IPCEF1: variants seen among roughly 807,000 people sequenced by gnomAD.
IPCEF1 encodes interactor protein for cytohesin exchange factors 1.
IPCEF1 carries 31 observed loss-of-function variants against 50.9 expected under a neutral mutation model. The ratio of observed to expected loss-of-function variants is 0.61; its 90% CI spans 0.46 to 0.82. The LOEUF (loss-of-function observed/expected upper bound fraction) is 0.82. IPCEF1 is among the 40% of genes least tolerant of loss of function. IPCEF1 has a pLI of 0.00. For synonymous variants in IPCEF1, 181 were observed against 192.0 expected, an observed-to-expected ratio of 0.94 and a Z score of 0.47; for missense variants, 458 against 514.0, an observed-to-expected ratio of 0.89 and a Z score of 1.05.
intron 3 of IPCEF1, 66 bp downstream of exon 3, chr6:154,265,846 C>A (rs866271143): frequency 2.7e-6 from 3 of 1,127,118 alleles, no homozygotes; most frequent in Non-Finnish European, 2.6e-6. Flanking sequence ...TGAAATCAAC[C>A]TACTATTTTA....
At chr6:154,265,182 A>G (rs985514501) in intron 3 of IPCEF1, among the ~76,000 whole-genome samples, 7 of 152,188 alleles carry the variant, frequency 4.6e-5, no homozygotes, top group African/African-American at 1.7e-4. Context: ...TCCTTGTCTA[A>G]TAGAGATTAT....
intron 1 of IPCEF1, among the ~76,000 whole-genome samples, chr6:154,345,444 A>G (rs1202729652): frequency 6.6e-6 from 1 of 152,200 alleles, no homozygotes; most frequent in Non-Finnish European, 1.5e-5. Context: ...TGGCGATCAG[A>G]GCCCTACTAG....
chr6:154,352,638 T>C (rs771999485), intron 1 of IPCEF1, among the ~76,000 whole-genome samples: 1 of 152,250 alleles, frequency 6.6e-6, no homozygotes, highest in African/African-American at 2.4e-5. Flanking sequence ...AGATTGATTC[T>C]AAGACAAAGA....
At chr6:154,248,399 C>T (rs1781235075) in intron 3 of IPCEF1, among the ~76,000 whole-genome samples, 1 of 151,114 alleles carries the variant, frequency 6.6e-6, no homozygotes, top group African/African-American at 2.4e-5. Context: ...TTACAAATAT[C>T]TAAGCTGAAC....
chr6:154,227,356 T>C (rs1779339945), intron 5 of IPCEF1, among the ~76,000 whole-genome samples: 1 of 152,202 alleles, frequency 6.6e-6, no homozygotes. Context: ...TCAAATGATA[T>C]AATACACAAA....
chr6:154,239,751 T>C (rs1414215621), intron 5 of IPCEF1, among the ~76,000 whole-genome samples: 3 of 152,374 alleles, frequency 2.0e-5, no homozygotes, highest in Admixed American at 6.5e-5. Flanking sequence ...TCACCCAGGC[T>C]GGAGTGCAGT....
chr6:154,218,157 T>C (rs1439415170), intron 7 of IPCEF1, among the ~76,000 whole-genome samples: 2 of 152,224 alleles, frequency 1.3e-5, no homozygotes, highest in African/African-American at 4.8e-5. Context: ...CTAAAGGACT[T>C]ATATTTACAT....
chr6:154,354,626 C>T (rs1273318070), intron 1 of IPCEF1, among the ~76,000 whole-genome samples: 1 of 152,062 alleles, frequency 6.6e-6, no homozygotes, highest in Non-Finnish European at 1.5e-5. Context: ...ACGACCACCA[C>T]TTCCAACACC....
intron 2 of IPCEF1, among the ~76,000 whole-genome samples, chr6:154,276,062 T>C (rs2128660910): frequency 6.6e-6 from 1 of 152,108 alleles, no homozygotes; most frequent in East Asian, 1.9e-4. Flanking sequence ...CAGGTGCCTG[T>C]AATCCCAGCT....
intron 1 of IPCEF1, among the ~76,000 whole-genome samples, chr6:154,354,727 C>T (rs1200303818): frequency 6.6e-6 from 1 of 152,148 alleles, no homozygotes; most frequent in East Asian, 1.9e-4. Context: ...CCCCGTTCTA[C>T]ACACCCTTTC....
chr6:154,268,096 T>C (rs1781804148), intron 2 of IPCEF1, among the ~76,000 whole-genome samples: 1 of 152,194 alleles, frequency 6.6e-6, no homozygotes, highest in South Asian at 2.1e-4. Flanking sequence ...CCTGCCCCCT[T>C]CCGCCCTGGC....
At chr6:154,165,482 C>T (rs987165729) in intron 11 of IPCEF1, among the ~76,000 whole-genome samples, 4 of 152,222 alleles carry the variant, frequency 2.6e-5, no homozygotes, top group African/African-American at 9.6e-5. Context: ...ATTTCCACAT[C>T]AGCATGTCCT....
intron 1 of IPCEF1, among the ~76,000 whole-genome samples, chr6:154,354,396 A>ACC (rs1562300241): frequency 2.6e-4 from 5 of 19,436 alleles, no homozygotes; most frequent in African/African-American, 1.5e-3. Context: ...CGTCACCTCC[A>ACC]ACCACCATCT....
intron 10 of IPCEF1, among the ~76,000 whole-genome samples, chr6:154,182,598 T>C (rs1376849008): frequency 6.6e-6 from 1 of 152,208 alleles, no homozygotes; most frequent in Non-Finnish European, 1.5e-5. Context: ...ACAGAAAACG[T>C]TGGTGTACAT....
intron 11 of IPCEF1, among the ~76,000 whole-genome samples, chr6:154,161,739 C>A (rs1310337226): frequency 6.6e-6 from 1 of 152,130 alleles, no homozygotes; most frequent in Non-Finnish European, 1.5e-5. Flanking sequence ...TTCCTTCATC[C>A]CTGTATTCCC....
At chr6:154,276,234 A>G (rs2128661039) in intron 2 of IPCEF1, among the ~76,000 whole-genome samples, 1 of 145,260 alleles carries the variant, frequency 6.9e-6, no homozygotes, top group African/African-American at 2.5e-5. Flanking sequence ...AAGGAAAGAA[A>G]GAAAGAGAAA....
chr6:154,244,148 A>T (rs1315768977), intron 5 of IPCEF1, among the ~76,000 whole-genome samples: 9 of 152,210 alleles, frequency 5.9e-5, no homozygotes, highest in Admixed American at 5.9e-4. Flanking sequence ...GAAGTAAATA[A>T]AGCTTCTTGG....
At chr6:154,353,999 A>C (rs972410151) in intron 1 of IPCEF1, among the ~76,000 whole-genome samples, 1 of 152,240 alleles carries the variant, frequency 6.6e-6, no homozygotes, top group African/African-American at 2.4e-5. Flanking sequence ...AAGCATAAAG[A>C]AAAAAAGAGA....
intron 2 of IPCEF1, among the ~76,000 whole-genome samples, chr6:154,285,010 A>C (rs1353690044): frequency 6.6e-6 from 1 of 152,178 alleles, no homozygotes; most frequent in Non-Finnish European, 1.5e-5. Context: ...AAAAAAAAAG[A>C]AATCAGAGAA....
Sources: gnomAD v4.1 joint callset for allele counts (sites outside exome capture counted in the v4.1 genomes callset) on GRCh38, gnomAD v4.1.1 for gene constraint, MANE v1.5 for transcripts, NCBI Gene and HGNC (gene_info 2026-07-23, HGNC 2026-07-21) for gene names.